Variants in DNM3 observed in about 807,000 individuals in gnomAD.
DNM3 encodes the protein dynamin 3, also known as dynamin-3.
Under a neutral mutation model 101.6 loss-of-function variants are expected in DNM3, and 47 were observed. The observed-to-expected ratio is 0.46, with a 90% CI of 0.37 to 0.59. The LOEUF is 0.59. Among genes scored for constraint, DNM3 ranks in the 20% least tolerant of loss-of-function variants. The probability of loss-of-function intolerance (pLI) is 0.00; values close to 1 mark genes in which losing one functional copy is unlikely to be tolerated. For missense variants in DNM3, 849 were observed against 1,085.7 expected (o/e 0.78, Z 3.06); for synonymous variants, 385 against 387.9 (o/e 0.99, Z 0.09).
intron 17 of DNM3, among the ~76,000 whole-genome samples, chr1:172,373,751 T>A (rs1354730679): frequency 6.6e-6 from 1 of 151,970 alleles, no homozygotes; most frequent in East Asian, 1.9e-4. Flanking sequence ...ACACATTCAA[T>A]TTCAGAAGAA....
chr1:172,194,710 C>A (rs2059882773), intron 14 of DNM3, among the ~76,000 whole-genome samples: 1 of 151,780 alleles, frequency 6.6e-6, no homozygotes, highest in African/African-American at 2.4e-5. Context: ...TTTCCATTTG[C>A]TTGGTAGATC....
At chr1:172,049,317 A>G (rs1430567045) in intron 10 of DNM3, among the ~76,000 whole-genome samples, 1 of 152,140 alleles carries the variant, frequency 6.6e-6, no homozygotes, top group African/African-American at 2.4e-5. Flanking sequence ...GAGGATGATG[A>G]TGATAATAGT....
At chr1:171,930,841 G>A (rs1282993618) in intron 2 of DNM3, among the ~76,000 whole-genome samples, 1 of 152,170 alleles carries the variant, frequency 6.6e-6, no homozygotes, top group Non-Finnish European at 1.5e-5. Flanking sequence ...GCTGATTCTA[G>A]TCGGCCATCT....
At chr1:171,901,165 G>T (rs568161534) in intron 1 of DNM3, among the ~76,000 whole-genome samples, 1 of 141,718 alleles carries the variant, frequency 7.1e-6, no homozygotes, top group South Asian at 2.3e-4. Flanking sequence ...ACCTAGGAAA[G>T]ATGACAGTCT....
chr1:172,352,241 C>T (rs2067232213), intron 17 of DNM3, among the ~76,000 whole-genome samples: 1 of 152,100 alleles, frequency 6.6e-6, no homozygotes, highest in Non-Finnish European at 1.5e-5. Flanking sequence ...AAGGATTTGC[C>T]TATGAAGGTA....
At chr1:172,086,114 A>G (rs2053512983) in intron 12 of DNM3, among the ~76,000 whole-genome samples, 2 of 152,160 alleles carry the variant, frequency 1.3e-5, no homozygotes. Context: ...GTAGACTTCC[A>G]GTTTTCTCTT....
chr1:172,025,365 G>C (rs2048131307), intron 4 of DNM3, among the ~76,000 whole-genome samples: 3 of 152,226 alleles, frequency 2.0e-5, no homozygotes, highest in Admixed American at 2.0e-4. Context: ...AGGGGCGGCT[G>C]TGGGTGCAGC....
chr1:171,972,707 G>T (rs184364454), intron 2 of DNM3, among the ~76,000 whole-genome samples: 2 of 152,180 alleles, frequency 1.3e-5, no homozygotes. Flanking sequence ...AAATCAGCCG[G>T]GCGTGGTGGC....
chr1:172,097,528 A>G (rs1390048826), intron 13 of DNM3, among the ~76,000 whole-genome samples: 1 of 152,220 alleles, frequency 6.6e-6, no homozygotes, highest in Non-Finnish European at 1.5e-5. Context: ...ACTGTTGTCA[A>G]TAAATACATG....
Position 172,411,492 on chromosome 1 carries a change from A to T in DNM3, c.*3651A>T, listed in dbSNP as rs2149137118. 1 of 984,902 alleles carries T rather than the reference A, an allele frequency of 1.0e-6. No homozygotes were observed. The highest frequency in any genetic ancestry group is 4.7e-5 in the South Asian group (1 of 21,268). The allele number at this position is 984,902 out of a possible 1,614,324, so 61.0% of individuals were successfully genotyped here. ...TTTTGGATTGCTGAGCTGAATCTTAAAAAGCCAAGTTGATATACATAGTCA... is the reference window on the plus strand; with the variant it reads ...TTTTGGATTGCTGAGCTGAATCTTATAAAGCCAAGTTGATATACATAGTCA... On this transcript the variant is annotated 3_prime_UTR_variant, in exon 21 of 21. Transcript: ENST00000627582.
At chr1:172,002,589 TA>T (rs2046420661) in intron 4 of DNM3, among the ~76,000 whole-genome samples, 2 of 152,062 alleles carry the variant, frequency 1.3e-5, no homozygotes, top group Admixed American at 1.3e-4. Flanking sequence ...TTTTAAGCTT[TA>T]AAAAAGTAAA....
chr1:172,205,338 C>A (rs1255182797), intron 14 of DNM3, among the ~76,000 whole-genome samples: 2 of 152,072 alleles, frequency 1.3e-5, no homozygotes, highest in Non-Finnish European at 2.9e-5. Context: ...GCTAGCTCGT[C>A]TAAATGGACT....
chr1:172,033,186 A>T lies in DNM3; in HGVS notation c.770A>T (p.Lys257Met). 6.2e-7 allele frequency: 1 copy of T among 1,610,744 alleles called. No individual in the cohort carries two copies. Among genetic ancestry groups the T allele is most frequent in the Non-Finnish European group, 8.5e-7 (1 of 1,178,512 alleles). Residue 257 changes from lysine to methionine, a missense_variant, in exon 6 of 21, where the codon AAG becomes ATG. Around this residue, in one of 5 missense-constraint regions of DNM3, gnomAD observed 388 missense variants for 483.0 expected, o/e 0.80. Transcript: ENST00000627582. ...DIKAAMLAERKFFLSHPAYRH... is the reference protein window; with the variant it reads ...DIKAAMLAERMFFLSHPAYRH... ...AAGGCAGCCATGCTGGCAGAGAGGA[A>T]GTTTTTCCTTTCCCACCCGGCTTAC...
intron 11 of DNM3, among the ~76,000 whole-genome samples, chr1:172,075,777 C>T (rs1048538882): frequency 1.4e-4 from 22 of 152,106 alleles, no homozygotes; most frequent in East Asian, 9.7e-4. Flanking sequence ...TTTTTGCCTA[C>T]GCTTGTCTTG....
intron 1 of DNM3, among the ~76,000 whole-genome samples, chr1:171,883,714 CCCT>C (rs1392237608): frequency 6.6e-6 from 1 of 152,130 alleles, no homozygotes; most frequent in Non-Finnish European, 1.5e-5. Context: ...TTGTGATCTG[CCCT>C]CCTCGGCCTC....
intron 15 of DNM3, among the ~76,000 whole-genome samples, chr1:172,288,597 T>C (rs976948444): frequency 1.3e-5 from 2 of 152,152 alleles, no homozygotes; most frequent in African/African-American, 4.8e-5. Context: ...CATCCTGGAC[T>C]AGAAAGATGG....
intron 15 of DNM3, chr1:172,289,844 G>T: frequency 2.0e-6 from 2 of 982,186 alleles, no homozygotes; most frequent in East Asian, 1.1e-4. Flanking sequence ...TGGTTTTGTT[G>T]TTCTTTCCTA....
intron 1 of DNM3, among the ~76,000 whole-genome samples, chr1:171,856,621 T>C (rs1349804959): frequency 6.6e-6 from 1 of 152,216 alleles, no homozygotes; most frequent in East Asian, 1.9e-4. Context: ...AGGTATTTTA[T>C]TCTTTTTGTG....
intron 14 of DNM3, among the ~76,000 whole-genome samples, chr1:172,245,799 G>A (rs12740971): frequency 0.36 from 55,303 of 152,034 alleles, 12,417 homozygotes; most frequent in Non-Finnish European, 0.47. Flanking sequence ...CAGGTGGACC[G>A]GCTAGGGAAC....
Sources: gnomAD v4.1 joint callset for allele counts (sites outside exome capture counted in the v4.1 genomes callset) on GRCh38, gnomAD v4.1.1 for gene constraint, gnomAD v4.1.1 regional missense constraint, MANE v1.5 for transcripts, NCBI Gene and HGNC (gene_info 2026-07-23, HGNC 2026-07-21) for gene names.